Variants in NSMCE2 observed in about 807,000 individuals in gnomAD.
NSMCE2 encodes E3 SUMO-protein ligase NSE2.
NSMCE2 carries 24 observed loss-of-function variants against 23.8 expected under a neutral mutation model. The observed-to-expected ratio is 1.01, with a 90% CI of 0.73 to 1.42. The LOEUF (loss-of-function observed/expected upper bound fraction) is 1.42. Among genes scored for constraint, NSMCE2 ranks in the 40% most tolerant of loss-of-function variants. NSMCE2 has a pLI of 0.00. For synonymous variants in NSMCE2, 92 were observed against 94.1 expected (o/e 0.98, Z 0.13); for missense variants, 284 against 296.5 (o/e 0.96, Z 0.31).
At chr8:125,344,099 A>T (rs538287850) in intron 5 of NSMCE2, among the ~76,000 whole-genome samples, 18 of 152,330 alleles carry the variant, frequency 1.2e-4, no homozygotes, top group African/African-American at 4.3e-4. Flanking sequence ...ATCTTACCCA[A>T]ATTGAAATGT....
intron 4 of NSMCE2, among the ~76,000 whole-genome samples, chr8:125,153,437 C>T (rs1386336136): frequency 6.6e-6 from 1 of 152,136 alleles, no homozygotes; most frequent in African/African-American, 2.4e-5. Context: ...GTTTCTAAGA[C>T]TTGATATTAT....
At chr8:125,246,820 A>G (rs1563741700) in intron 5 of NSMCE2, among the ~76,000 whole-genome samples, 1 of 152,180 alleles carries the variant, frequency 6.6e-6, no homozygotes, top group Non-Finnish European at 1.5e-5. Flanking sequence ...CGATATAGAT[A>G]TAAATTATGA....
chr8:125,301,965 A>ATT (rs568309394), intron 5 of NSMCE2, among the ~76,000 whole-genome samples: 2 of 143,440 alleles, frequency 1.4e-5, no homozygotes, highest in African/African-American at 5.1e-5. Flanking sequence ...ACCTGCCCCA[A>ATT]TTTTTTTTTT....
At chr8:125,192,675 T>C (rs968636258) in intron 5 of NSMCE2, among the ~76,000 whole-genome samples, 2 of 152,208 alleles carry the variant, frequency 1.3e-5, no homozygotes, top group African/African-American at 2.4e-5. Context: ...CAATTTAAGA[T>C]TTTAGGAGCA....
intron 5 of NSMCE2, among the ~76,000 whole-genome samples, chr8:125,311,504 G>T (rs1295117676): frequency 6.6e-6 from 1 of 152,204 alleles, no homozygotes; most frequent in Non-Finnish European, 1.5e-5. Context: ...AATTGTCAGC[G>T]TGAGTATGCC....
At chr8:125,150,108 GTTTT>G (rs1820914730) in intron 3 of NSMCE2, among the ~76,000 whole-genome samples, 1 of 151,768 alleles carries the variant, frequency 6.6e-6, no homozygotes, top group Non-Finnish European at 1.5e-5. Context: ...CTTATGGCCA[GTTTT>G]TCTGAAAACA....
At chr8:125,197,275 G>GC (rs1203139686) in intron 5 of NSMCE2, among the ~76,000 whole-genome samples, 1 of 152,176 alleles carries the variant, frequency 6.6e-6, no homozygotes, top group Admixed American at 6.5e-5. Flanking sequence ...CCTTGCCCAT[G>GC]CCTATGTCCT....
chr8:125,158,336 C>T (rs916900085), intron 4 of NSMCE2, among the ~76,000 whole-genome samples: 6 of 152,120 alleles, frequency 3.9e-5, no homozygotes, highest in African/African-American at 9.7e-5. Context: ...AATGCTTAGT[C>T]TGTGTTTGAA....
At chr8:125,109,764 G>A (rs1818639240) in intron 3 of NSMCE2, among the ~76,000 whole-genome samples, 1 of 152,104 alleles carries the variant, frequency 6.6e-6, no homozygotes, top group Non-Finnish European at 1.5e-5. Flanking sequence ...TATTTGAAAT[G>A]ATCACCTTTG....
In NSMCE2 at chr8:125,203,026, C is replaced by G. The variant is rs2130864070; in HGVS notation, c.418+20770C>G. Among the ~76,000 whole-genome samples the G allele has an allele frequency of 1.3e-5, 2 of 152,226 alleles. 1 individual carries two copies. The highest frequency in any genetic ancestry group is 6.8e-3 in the Middle Eastern group (2 of 294). ...TATTCACCATGAACCTTCCTATGCT[C>G]TGATGAAAACATGAATATTTGTTAT... On this transcript the variant is annotated intron_variant, in intron 5 of 7. Transcript: ENST00000287437.
chr8:125,361,672 A>T (rs978032725), intron 7 of NSMCE2, among the ~76,000 whole-genome samples: 6 of 152,214 alleles, frequency 3.9e-5, no homozygotes, highest in African/African-American at 1.4e-4. Flanking sequence ...GAGTAGCAAA[A>T]GCACTTAGTT....
chr8:125,262,449 C>A (rs189970402), intron 5 of NSMCE2, among the ~76,000 whole-genome samples: 1 of 152,168 alleles, frequency 6.6e-6, no homozygotes, highest in East Asian at 1.9e-4. Context: ...AAATAGTATA[C>A]AATTTTGTGA....
intron 5 of NSMCE2, among the ~76,000 whole-genome samples, chr8:125,294,844 T>G (rs1416436201): frequency 6.6e-6 from 1 of 152,236 alleles, no homozygotes; most frequent in African/African-American, 2.4e-5. Context: ...TGACATTTAC[T>G]GGATAATCCA....
chr8:125,253,888 A>G (rs1826299527), intron 5 of NSMCE2, among the ~76,000 whole-genome samples: 1 of 152,204 alleles, frequency 6.6e-6, no homozygotes, highest in South Asian at 2.1e-4. Context: ...CCACATATGC[A>G]GTTAAATGAC....
intron 5 of NSMCE2, among the ~76,000 whole-genome samples, chr8:125,240,022 A>T (rs142147427): frequency 1.2e-3 from 188 of 152,300 alleles, no homozygotes; most frequent in African/African-American, 4.3e-3. Context: ...GTCAGGGTCT[A>T]AACAGAGATT....
intron 5 of NSMCE2, among the ~76,000 whole-genome samples, chr8:125,262,642 G>A (rs908192548): frequency 6.6e-6 from 1 of 152,174 alleles, no homozygotes; most frequent in East Asian, 1.9e-4. Context: ...GGAGCTCAAT[G>A]CTTTTAGCTC....
chr8:125,204,688 T>C (rs1439295047), intron 5 of NSMCE2, among the ~76,000 whole-genome samples: 1 of 152,196 alleles, frequency 6.6e-6, no homozygotes, highest in Non-Finnish European at 1.5e-5. Context: ...AAATTCCTAC[T>C]GCAGAGATGG....
chr8:125,139,566 G>C (rs1820249016), intron 3 of NSMCE2, among the ~76,000 whole-genome samples: 1 of 152,118 alleles, frequency 6.6e-6, no homozygotes, highest in African/African-American at 2.4e-5. Context: ...CATGGTGTCA[G>C]GTAAGAGAAC....
chr8:125,141,542 C>T (rs1586501049), intron 3 of NSMCE2, among the ~76,000 whole-genome samples: 1 of 152,304 alleles, frequency 6.6e-6, no homozygotes, highest in African/African-American at 2.4e-5. Context: ...ACACTGAATT[C>T]ATGTTGTTGT....
Sources: gnomAD v4.1 joint callset for allele counts (sites outside exome capture counted in the v4.1 genomes callset) on GRCh38, gnomAD v4.1.1 for gene constraint, MANE v1.5 for transcripts, NCBI Gene and HGNC (gene_info 2026-07-23, HGNC 2026-07-21) for gene names.